NTM: variants seen among roughly 807,000 people sequenced by gnomAD.
NTM encodes IgLON family member 2.
Under a neutral mutation model 42.1 loss-of-function variants are expected in NTM, and 13 were observed. The observed-to-expected ratio is 0.31, with a 90% CI of 0.20 to 0.49. The LOEUF (loss-of-function observed/expected upper bound fraction) is 0.49, where lower values mean the gene tolerates loss of function less well. Ranked by LOEUF, NTM falls within the 20% of genes least tolerant of loss-of-function variation. NTM has a pLI of 0.99. For missense variants in NTM, 373 were observed against 452.8 expected, an observed-to-expected ratio of 0.82 and a Z score of 1.60; for synonymous variants, 187 against 179.2, an observed-to-expected ratio of 1.04 and a Z score of -0.35.
intron 1 of NTM, among the ~76,000 whole-genome samples, chr11:131,840,888 G>A (rs1356530506): frequency 6.6e-6 from 1 of 152,172 alleles, no homozygotes; most frequent in Admixed American, 6.5e-5. Flanking sequence ...TGAGAATGAT[G>A]GAGGGAATGT....
chr11:131,658,952 A>G (rs1186041168), intron 1 of NTM, among the ~76,000 whole-genome samples: 1 of 152,198 alleles, frequency 6.6e-6, no homozygotes, highest in Non-Finnish European at 1.5e-5. Context: ...AGCCTGGGTG[A>G]CAGAGCGAGA....
intron 2 of NTM, among the ~76,000 whole-genome samples, chr11:131,979,518 A>G (rs778802201): frequency 6.6e-6 from 1 of 152,236 alleles, no homozygotes; most frequent in South Asian, 2.1e-4. Context: ...CATGTGAGCT[A>G]TGGAAATGCA....
chr11:131,567,726 G>A, intron 1 of NTM, among the ~76,000 whole-genome samples: 2 of 152,232 alleles, frequency 1.3e-5, no homozygotes, highest in East Asian at 3.8e-4. Flanking sequence ...TTGTGTAAAT[G>A]TTAAAGTCCT....
chr11:132,134,737 A>G (rs745763352), intron 2 of NTM, among the ~76,000 whole-genome samples: 28,200 of 120,194 alleles, frequency 0.23, 5,852 homozygotes, highest in African/African-American at 0.43. Context: ...ATATATATAT[A>G]TATATATATA....
intron 2 of NTM, among the ~76,000 whole-genome samples, chr11:132,001,776 G>GCACACACACA (rs35551724): frequency 1.3e-4 from 19 of 147,342 alleles, no homozygotes; most frequent in African/African-American, 3.8e-4. Flanking sequence ...ACACAGACAG[G>GCACACACACA]CACACACACA....
chr11:131,738,028 C>T lies in NTM; in HGVS notation c.83-173536C>T, dbSNP rs184546667. ...GTAATTACACTGTAGATCAAACTGA[C>T]GCCTTAGTTTTCAGTGGCTTTTTTC... On this transcript the variant is annotated intron_variant, in intron 1 of 8. Coordinates refer to ENST00000683400, the MANE Select transcript of NTM (RefSeq NM_001352005.2). 7.1e-4 allele frequency among the ~76,000 whole-genome samples: 108 copies of T among 152,170 alleles called. 1 individual carries two copies. The highest frequency in any genetic ancestry group is 8.4e-4 in the Non-Finnish European group (57 of 68,030).
chr11:131,726,976 A>T (rs1211420428), intron 1 of NTM, among the ~76,000 whole-genome samples: 2 of 151,348 alleles, frequency 1.3e-5, no homozygotes, highest in Non-Finnish European at 2.9e-5. Flanking sequence ...GGCGCAAGCC[A>T]CAGCACCCAG....
chr11:132,146,555 C>A lies in NTM; in HGVS notation c.400+41C>A. The A allele has an allele frequency of 6.3e-7, 1 of 1,598,970 alleles. No homozygotes were observed. Among genetic ancestry groups the A allele is most frequent in the Non-Finnish European group, 8.5e-7 (1 of 1,170,132 alleles). ...TTGGCGGGGAGATCTGGCTGGCCAG[C>A]CTGGAAAGCCTTCAGGTAAAGGTTT... is the stretch of plus-strand genomic sequence containing the variant. On this transcript the variant is annotated intron_variant, in intron 3 of 8. Coordinates refer to ENST00000683400, the MANE Select transcript of NTM (RefSeq NM_001352005.2). This position sits in a 1 kb window ranked among gnomAD's most constrained non-coding sequence, Gnocchi z 4.5.
At chr11:132,101,964 T>C (rs1168318713) in intron 2 of NTM, among the ~76,000 whole-genome samples, 1 of 152,188 alleles carries the variant, frequency 6.6e-6, no homozygotes, top group Non-Finnish European at 1.5e-5. Flanking sequence ...CCTCCCTACT[T>C]CTCAGCCCCA....
chr11:132,130,132 A>C (rs1302003255), intron 2 of NTM, among the ~76,000 whole-genome samples: 1 of 152,236 alleles, frequency 6.6e-6, no homozygotes, highest in Non-Finnish European at 1.5e-5. Flanking sequence ...CAGAAGGAGA[A>C]GGGAACCTAG....
At chr11:131,645,958 G>T (rs2065725587) in intron 1 of NTM, among the ~76,000 whole-genome samples, 1 of 152,230 alleles carries the variant, frequency 6.6e-6, no homozygotes, top group African/African-American at 2.4e-5. Context: ...AGAATCTAAA[G>T]TATGAAACCT....
chr11:132,212,527 T>C (rs1366542791), intron 4 of NTM, among the ~76,000 whole-genome samples: 2 of 152,216 alleles, frequency 1.3e-5, no homozygotes, highest in African/African-American at 4.8e-5. Flanking sequence ...GAGCTTTAAA[T>C]GGCCATATTC....
At chr11:131,709,040 A>C (rs2076857267) in intron 1 of NTM, among the ~76,000 whole-genome samples, 1 of 152,174 alleles carries the variant, frequency 6.6e-6, no homozygotes, top group Non-Finnish European at 1.5e-5. Context: ...AGAAGAAAAC[A>C]TTCTATACAG....
intron 4 of NTM, among the ~76,000 whole-genome samples, chr11:132,261,174 G>A (rs1388751842): frequency 6.6e-6 from 1 of 152,148 alleles, no homozygotes; most frequent in South Asian, 2.1e-4. Flanking sequence ...GCTTTTTATG[G>A]AGATAAGAAC....
chr11:131,955,145 G>A (rs534220157), intron 2 of NTM, among the ~76,000 whole-genome samples: 3 of 152,114 alleles, frequency 2.0e-5, no homozygotes, highest in African/African-American at 7.2e-5. Context: ...CTTCAGGAAG[G>A]TACCCTGAGC....
At chr11:131,685,521 A>AGCACATTC (rs1482733025) in intron 1 of NTM, among the ~76,000 whole-genome samples, 1 of 152,212 alleles carries the variant, frequency 6.6e-6, no homozygotes, top group East Asian at 1.9e-4. Context: ...CTGTACGCCA[A>AGCACATTC]GCACATTCCT....
intron 2 of NTM, among the ~76,000 whole-genome samples, chr11:131,940,064 G>T (rs2134197755): frequency 1.3e-5 from 2 of 152,350 alleles, no homozygotes; most frequent in East Asian, 3.9e-4. Flanking sequence ...ATTTGAAACT[G>T]TGTAAAACAC....
chr11:131,691,210 C>T (rs1470671610), intron 1 of NTM, among the ~76,000 whole-genome samples: 1 of 152,206 alleles, frequency 6.6e-6, no homozygotes, highest in African/African-American at 2.4e-5. Context: ...CCCGTCCCCC[C>T]GCAGTGCCAG....
chr11:132,335,873 A>C lies in NTM; in HGVS notation c.*727A>C, dbSNP rs1289615445. ...AGACAAAACTAAAAAAATACAACTG[A>C]GAAGGGTGAAGAGAAGTATGTTTGT... On this transcript the variant is annotated 3_prime_UTR_variant, in exon 9 of 9. Transcript: ENST00000683400. 1 of 152,618 alleles carries C rather than the reference A, an allele frequency of 6.6e-6. No individual in the cohort carries two copies. Among genetic ancestry groups the C allele is most frequent in the Non-Finnish European group, 1.5e-5 (1 of 68,036 alleles). The allele number at this position is 152,618 out of a possible 1,614,324, so 9.5% of individuals were successfully genotyped here.
Sources: allele counts gnomAD v4.1 joint callset (sites outside exome capture counted in the v4.1 genomes callset), GRCh38; gene constraint gnomAD v4.1.1; non-coding constraint Gnocchi (gnomAD v3.1); transcripts MANE v1.5; gene names NCBI Gene and HGNC (gene_info 2026-07-23, HGNC 2026-07-21).